CACNA1C: variants seen among roughly 807,000 people sequenced by gnomAD.
CACNA1C encodes the protein calcium voltage-gated channel subunit alpha1 C, also known as voltage-dependent L-type calcium channel subunit alpha-1C.
In CACNA1C, 30 loss-of-function variants were observed where a neutral mutation model predicts 229.0. That is an observed-to-expected ratio of 0.13 (90% CI 0.10 to 0.18). The LOEUF (loss-of-function observed/expected upper bound fraction) is 0.18, where lower values mean the gene tolerates loss of function less well. Ranked by LOEUF, CACNA1C falls within the 10% of genes least tolerant of loss-of-function variation. The pLI, the probability that CACNA1C is intolerant of heterozygous loss-of-function variation, is 1.00. For missense variants in CACNA1C, 1,658 were observed against 2,845.0 expected, an observed-to-expected ratio of 0.58 and a Z score of 9.49; for synonymous variants, 1,114 against 1,132.5, an observed-to-expected ratio of 0.98 and a Z score of 0.33.
chr12:2,082,353 A>G (rs556261365), intron 1 of CACNA1C, among the ~76,000 whole-genome samples: 13 of 152,068 alleles, frequency 8.5e-5, no homozygotes, highest in African/African-American at 2.4e-4. Flanking sequence ...GGTCTGTGTG[A>G]CTTGTCCCAT....
intron 11 of CACNA1C, among the ~76,000 whole-genome samples, chr12:2,563,873 C>G (rs188379228): frequency 6.6e-6 from 1 of 152,344 alleles, no homozygotes; most frequent in African/African-American, 2.4e-5. Flanking sequence ...TGGGGCACAC[C>G]CACATGTGGT....
intron 3 of CACNA1C, among the ~76,000 whole-genome samples, chr12:2,324,242 G>T (rs2096172856): frequency 6.6e-6 from 1 of 152,152 alleles, no homozygotes; most frequent in Non-Finnish European, 1.5e-5. Context: ...GGCTTCCATG[G>T]GCCTGGCACA....
intron 34 of CACNA1C, among the ~76,000 whole-genome samples, chr12:2,655,921 A>G (rs1287930451): frequency 7.2e-5 from 11 of 152,330 alleles, no homozygotes; most frequent in Non-Finnish European, 1.5e-4. Flanking sequence ...CTCTCAACAA[A>G]TTAGGCATAG....
intron 3 of CACNA1C, among the ~76,000 whole-genome samples, chr12:2,306,684 C>T (rs944615541): frequency 6.6e-6 from 1 of 152,132 alleles, no homozygotes; most frequent in Admixed American, 6.5e-5. Flanking sequence ...ATAAAATTTT[C>T]TTGTAAAAAG....
intron 1 of CACNA1C, among the ~76,000 whole-genome samples, chr12:2,097,655 C>A (rs924274581): frequency 6.6e-6 from 1 of 152,190 alleles, no homozygotes; most frequent in Admixed American, 6.5e-5. Flanking sequence ...AGTGAGCCGC[C>A]GGGGCTCTCT....
At chr12:2,598,288 A>G (rs992646002) in intron 21 of CACNA1C, among the ~76,000 whole-genome samples, 4 of 152,202 alleles carry the variant, frequency 2.6e-5, no homozygotes, top group African/African-American at 9.6e-5. Context: ...AGTTCTGCTA[A>G]GGGAACTGCT....
chr12:2,471,869 C>T (rs1056618118), intron 5 of CACNA1C, among the ~76,000 whole-genome samples: 14 of 152,264 alleles, frequency 9.2e-5, no homozygotes, highest in East Asian at 5.8e-4. Flanking sequence ...TTAATAGAGA[C>T]GGGGTTTCAC....
In CACNA1C at chr12:2,152,146, T is replaced by C. The variant is rs902191999; in HGVS notation, c.477+31716T>C. ...AGCTGCGTTGCAATGGACCACATTA[T>C]GGCATGCACATTAATGTAGGGATTG... is the stretch of plus-strand genomic sequence containing the variant. On this transcript the variant is annotated intron_variant, in intron 3 of 46. Transcript: ENST00000399655. This position sits in a 1 kb window ranked among gnomAD's most constrained non-coding sequence, Gnocchi z 4.2. Among the ~76,000 whole-genome samples, 2 of 152,234 alleles carry C rather than the reference T, an allele frequency of 1.3e-5. No individual in the cohort carries two copies. Among genetic ancestry groups the C allele is most frequent in the African/African-American group, 2.4e-5 (1 of 41,466 alleles).
chr12:2,604,987 C>T (rs992942892), intron 22 of CACNA1C, 94 bp from the exon 23 acceptor site: 14 of 924,324 alleles, frequency 1.5e-5, no homozygotes, highest in Non-Finnish European at 2.3e-5. Context: ...AGGTTTGCCT[C>T]GGATTCACCT....
chr12:2,486,092 C>T lies in CACNA1C; in HGVS notation c.758-12C>T. ...GTGATGCTTGGTTCAGTGAGTGGCT[C>T]TGTCCCCGCAGGTCTCCAGGTGGTC... is the stretch of plus-strand genomic sequence containing the variant. On this transcript the variant is annotated splice_polypyrimidine_tract_variant and intron_variant, in intron 5 of 46. Transcript: ENST00000399655. This position sits in a 1 kb window ranked among gnomAD's most constrained non-coding sequence, Gnocchi z 4.9. 6.3e-7 allele frequency: 1 copy of T among 1,587,442 alleles called. No individual in the cohort carries two copies. The highest frequency in any genetic ancestry group is 8.6e-7 in the Non-Finnish European group (1 of 1,165,024).
At chr12:2,684,635 G>A (rs1278364507) in intron 43 of CACNA1C, among the ~76,000 whole-genome samples, 1 of 152,168 alleles carries the variant, frequency 6.6e-6, no homozygotes, top group African/African-American at 2.4e-5. Context: ...ACTACCCCCA[G>A]AGTGGTACAA....
chr12:2,648,887 G>A (rs2094617766), intron 31 of CACNA1C, among the ~76,000 whole-genome samples: 1 of 152,164 alleles, frequency 6.6e-6, no homozygotes, highest in African/African-American at 2.4e-5. Context: ...TGAGAGCCAT[G>A]GTAGGGCTCC....
intron 1 of CACNA1C, among the ~76,000 whole-genome samples, chr12:2,046,036 C>A (rs1440492786): frequency 2.6e-5 from 4 of 151,910 alleles, no homozygotes; most frequent in African/African-American, 9.7e-5. Context: ...TGCCAGCCAG[C>A]AGAAGTTGGA....
Position 2,677,541 on chromosome 12 carries a change from G to T in CACNA1C, c.4957-192G>T. The stretch of plus-strand genomic sequence containing the variant: ...AATGAGCCTTCATCCCTCCTGGATG[G>T]GCGAGTGGATTGTTCCATCAGAGGG... On this transcript the variant is annotated intron_variant, in intron 40 of 46. Coordinates refer to ENST00000399655, the MANE Select transcript of CACNA1C (RefSeq NM_000719.7). The surrounding 1 kb of genome is among the most constrained non-coding windows in gnomAD (Gnocchi z 7.4). 1.5e-6 allele frequency: 1 copy of T among 667,264 alleles called. No individual in the cohort carries two copies. The highest frequency in any genetic ancestry group is 2.6e-6 in the Non-Finnish European group (1 of 391,926). The allele number at this position is 667,264 out of a possible 1,614,324, so 41.3% of individuals were successfully genotyped here.
chr12:2,263,090 G>A (rs1002583311), intron 3 of CACNA1C, among the ~76,000 whole-genome samples: 1 of 152,204 alleles, frequency 6.6e-6, no homozygotes, highest in Non-Finnish European at 1.5e-5. Context: ...TTAATAGAGG[G>A]GTCAGGGAAG....
intron 3 of CACNA1C, among the ~76,000 whole-genome samples, chr12:2,335,414 A>G (rs1005219562): frequency 2.6e-5 from 4 of 151,556 alleles, no homozygotes; most frequent in Non-Finnish European, 4.4e-5. Flanking sequence ...TCTTTAGGTC[A>G]TCTGCTCTGT....
intron 9 of CACNA1C, among the ~76,000 whole-genome samples, chr12:2,516,954 C>G (rs1192956854): frequency 6.6e-6 from 1 of 152,100 alleles, no homozygotes; most frequent in East Asian, 1.9e-4. Flanking sequence ...TGTCCAAGAA[C>G]TGAGTCCTAG....
At chr12:2,635,202 C>T (rs147071291) in intron 30 of CACNA1C, among the ~76,000 whole-genome samples, 2 of 152,124 alleles carry the variant, frequency 1.3e-5, no homozygotes, top group African/African-American at 4.8e-5. Context: ...CTCTGGCTCC[C>T]GAGCCTCAGA....
At chr12:2,291,234 T>G (rs2154455724) in intron 3 of CACNA1C, among the ~76,000 whole-genome samples, 1 of 152,304 alleles carries the variant, frequency 6.6e-6, no homozygotes, top group South Asian at 2.1e-4. Flanking sequence ...GCCAGAAAAG[T>G]TATTTGGAAA....
Sources: allele counts gnomAD v4.1 joint callset (sites outside exome capture counted in the v4.1 genomes callset), GRCh38; gene constraint gnomAD v4.1.1; non-coding constraint Gnocchi (gnomAD v3.1); transcripts MANE v1.5; gene names NCBI Gene and HGNC (gene_info 2026-07-23, HGNC 2026-07-21).